The following ZNF274 variants were observed in gnomAD, a reference collection of about 807,000 sequenced individuals.
ZNF274 encodes the protein zinc finger protein 274.
In ZNF274, 23 loss-of-function variants were observed where a neutral mutation model predicts 42.5. That is an observed-to-expected ratio of 0.54 (90% CI 0.39 to 0.77). The LOEUF (loss-of-function observed/expected upper bound fraction) is 0.77. ZNF274 is among the 30% of genes least tolerant of loss of function. The pLI, the probability that ZNF274 is intolerant of heterozygous loss-of-function variation, is 0.00. For missense variants in ZNF274, 679 were observed against 806.5 expected, an observed-to-expected ratio of 0.84 and a Z score of 1.91; for synonymous variants, 292 against 305.4, an observed-to-expected ratio of 0.96 and a Z score of 0.46.
intron 4 of ZNF274, among the ~76,000 whole-genome samples, chr19:58,188,654 A>T (rs1293551669): frequency 1.0e-5 from 1 of 99,532 alleles, no homozygotes; most frequent in East Asian, 2.7e-4. Flanking sequence ...TATGTAAAAA[A>T]TAGATGTGTG....
chr19:58,203,847 C>T (rs1383713613), intron 4 of ZNF274, among the ~76,000 whole-genome samples: 3 of 152,318 alleles, frequency 2.0e-5, no homozygotes, highest in Non-Finnish European at 2.9e-5. Flanking sequence ...AGAAAAATCA[C>T]TTCAAGCGTA....
At chr19:58,199,599 G>C (rs567910501) in intron 4 of ZNF274, among the ~76,000 whole-genome samples, 1 of 152,310 alleles carries the variant, frequency 6.6e-6, no homozygotes, top group African/African-American at 2.4e-5. Flanking sequence ...GCGTGCACCT[G>C]TAATTCGGGA....
chr19:58,185,590 A>C (rs532290464), intron 2 of ZNF274, 122 bp from the exon 3 acceptor site: 59 of 1,144,684 alleles, frequency 5.2e-5, no homozygotes, highest in Non-Finnish European at 6.9e-6. Context: ...TGAGACTCCC[A>C]AAATGCCCTT....
At chr19:58,188,899 A>T (rs2075746143) in intron 4 of ZNF274, among the ~76,000 whole-genome samples, 1 of 151,072 alleles carries the variant, frequency 6.6e-6, no homozygotes, top group Non-Finnish European at 1.5e-5. Flanking sequence ...AAAAAAAATT[A>T]AAAATCCTTC....
chr19:58,200,066 A>G (rs1343467522), intron 4 of ZNF274, among the ~76,000 whole-genome samples: 1 of 152,184 alleles, frequency 6.6e-6, no homozygotes, highest in African/African-American at 2.4e-5. Flanking sequence ...GGTGCAAACT[A>G]TGTGTGCTTT....
chr19:58,199,914 G>C (rs1037505189), intron 4 of ZNF274, among the ~76,000 whole-genome samples: 2 of 152,220 alleles, frequency 1.3e-5, no homozygotes, highest in African/African-American at 2.4e-5. Flanking sequence ...GGCTTAAAAA[G>C]GCTAGAAGTA....
Position 58,206,789 on chromosome 19 carries a change from A to T in ZNF274, c.326A>T (p.Glu109Val). Reference sequence around the variant, plus strand: ...GCTGAGAGTCCCCTAATGAACATTGAGGTTGTTGAGGTCCTCACACTGAAC... The same window carrying T: ...GCTGAGAGTCCCCTAATGAACATTGTGGTTGTTGAGGTCCTCACACTGAAC... ...LPAESPLMNIEVVEVLTLNQE... is the reference protein window; with the variant it reads ...LPAESPLMNIVVVEVLTLNQE... The change falls in exon 5 of 8, where the codon GAG becomes GTG. Residue 109 changes from glutamate to valine, a missense_variant. Around this residue, in one of 2 missense-constraint regions of ZNF274, gnomAD observed 223 missense variants for 216.4 expected, o/e 1.03. Coordinates refer to ENST00000617501, the MANE Select transcript of ZNF274 (RefSeq NM_133502.3). The T allele has an allele frequency of 6.2e-7, 1 of 1,613,464 alleles. No homozygotes were observed. Among genetic ancestry groups the T allele is most frequent in the Non-Finnish European group, 8.5e-7 (1 of 1,179,720 alleles).
At chr19:58,206,032 A>G (rs1474595739) in intron 4 of ZNF274, among the ~76,000 whole-genome samples, 3 of 152,214 alleles carry the variant, frequency 2.0e-5, no homozygotes, top group Non-Finnish European at 4.4e-5. Context: ...GTCTAATTCC[A>G]GAACATTTTC....
At chr19:58,204,415 CTG>C (rs1472130611) in intron 4 of ZNF274, among the ~76,000 whole-genome samples, 1 of 152,070 alleles carries the variant, frequency 6.6e-6, no homozygotes, top group Non-Finnish European at 1.5e-5. Flanking sequence ...GGCTGAGAGA[CTG>C]GGTCTTGTGT....
In ZNF274 at chr19:58,208,497, G is replaced by C. The variant is rs914401499; in HGVS notation, c.739+1295G>C. ...GAGGGAGAGATGCACTGGATTATTT[G>C]AGTGGATCTAACATAACCACAGGGG... On this transcript the variant is annotated intron_variant, in intron 5 of 7. Coordinates refer to ENST00000617501, the MANE Select transcript of ZNF274 (RefSeq NM_133502.3). The surrounding 1 kb of genome is among the most constrained non-coding windows in gnomAD (Gnocchi z 4.5). 10 of 152,252 alleles carry C rather than the reference G, an allele frequency of 6.6e-5. No homozygotes were observed. The highest frequency in any genetic ancestry group is 2.4e-4 in the African/African-American group (10 of 41,446). 9.4% of individuals were successfully genotyped at this position (152,252 alleles called of 1,614,324 possible). A position where few individuals can be genotyped will look rare whatever the true frequency, so the allele number is the denominator to read the frequency against.
intron 4 of ZNF274, among the ~76,000 whole-genome samples, chr19:58,188,620 A>T (rs201389797): frequency 0.088 from 5,946 of 67,562 alleles, 164 homozygotes; most frequent in African/African-American, 0.12. Flanking sequence ...AAAAAAAAAA[A>T]ATATATATAT....
intron 4 of ZNF274, among the ~76,000 whole-genome samples, chr19:58,201,720 T>C (rs2075914147): frequency 6.6e-6 from 1 of 151,808 alleles, no homozygotes. Flanking sequence ...TTTCACCATA[T>C]TGGCCAGGCT....
intron 4 of ZNF274, among the ~76,000 whole-genome samples, chr19:58,204,749 C>T (rs945327644): frequency 7.9e-5 from 12 of 152,090 alleles, no homozygotes; most frequent in Admixed American, 1.3e-4. Context: ...CCCGTTCTTC[C>T]AGTTTTGTCC....
At chr19:58,190,413 G>T (rs79132177) in intron 4 of ZNF274, among the ~76,000 whole-genome samples, 11,659 of 152,182 alleles carry the variant, frequency 0.077, 507 homozygotes, top group South Asian at 0.13. Context: ...TAAAGAGTTG[G>T]TATCTAGTCT....
In ZNF274 at chr19:58,212,419, A is replaced by C. The variant is rs201411431; in HGVS notation, c.1238A>C (p.Asp413Ala). 1.8e-3 allele frequency: 2,872 copies of C among 1,613,044 alleles called. 6 individuals are homozygous for C. Among genetic ancestry groups the C allele is most frequent in the Non-Finnish European group, 2.2e-3 (2,611 of 1,179,440 alleles). The change falls in exon 8 of 8, where the codon GAC becomes GCC. Residue 413 changes from aspartate (D) to alanine (A), a missense_variant. Transcript: ENST00000617501. This position sits in a 1 kb window ranked among gnomAD's most constrained non-coding sequence, Gnocchi z 4.6. The part of the protein sequence containing the change: ...RESQANSGAL[D>A]TNQVSLQKID... The stretch of plus-strand genomic sequence containing the variant: ...TCCCAGGCAAACAGTGGTGCTCTTG[A>C]CACAAACCAAGTTTCGCTCCAGAAA...
At chr19:58,184,252 C>T (rs948733763) in intron 2 of ZNF274, 1 of 481,636 alleles carries the variant, frequency 2.1e-6, no homozygotes, top group Admixed American at 3.7e-5. Context: ...TGCTTGTATC[C>T]TTTATATTGG....
intron 4 of ZNF274, among the ~76,000 whole-genome samples, chr19:58,193,689 G>T (rs140610322): frequency 1.4e-3 from 215 of 152,040 alleles, no homozygotes; most frequent in Non-Finnish European, 2.5e-3. Flanking sequence ...ACTTAGGGAG[G>T]CTAAGGTGGG....
intron 4 of ZNF274, among the ~76,000 whole-genome samples, chr19:58,196,389 T>C (rs1046412053): frequency 8.5e-5 from 13 of 152,138 alleles, no homozygotes; most frequent in African/African-American, 2.9e-4. Flanking sequence ...GACGAAACCC[T>C]ATTGCTACAT....
chr19:58,213,092 C>T lies in ZNF274; in HGVS notation c.1911C>T (p.His637=), dbSNP rs764322092. 1.1e-5 allele frequency: 17 copies of T among 1,613,846 alleles called. No individual in the cohort carries two copies. Among genetic ancestry groups the T allele is most frequent in the Non-Finnish European group, 1.4e-5 (17 of 1,179,920 alleles). The change falls in exon 8 of 8, where the codon CAC becomes CAT. Residue 637 remains histidine (H), a synonymous_variant. Coordinates refer to ENST00000617501, the MANE Select transcript of ZNF274 (RefSeq NM_133502.3). ...AFTQSSHLIG[H]QRTHNRTKRK... is the part of the protein sequence containing the mutation. ...CCCAGAGCTCACACCTTATTGGGCA[C>T]CAGAGAACCCACAATAGGACAAAGC...
Sources: gnomAD v4.1 joint callset for allele counts (sites outside exome capture counted in the v4.1 genomes callset) on GRCh38, gnomAD v4.1.1 for gene constraint, gnomAD v4.1.1 regional missense constraint, Gnocchi (gnomAD v3.1) non-coding constraint, MANE v1.5 for transcripts, NCBI Gene and HGNC (gene_info 2026-07-23, HGNC 2026-07-21) for gene names.